PCDHGA7: variants seen among roughly 807,000 people sequenced by gnomAD.
PCDHGA7 encodes protocadherin gamma-A7.
Under a neutral mutation model 58.3 loss-of-function variants are expected in PCDHGA7, and 44 were observed. The observed-to-expected ratio is 0.75, with a 90% CI of 0.59 to 0.97. The LOEUF is 0.97. PCDHGA7 is among the 50% of genes least tolerant of loss of function. PCDHGA7 has a pLI of 0.00. For synonymous variants in PCDHGA7, 516 were observed against 504.2 expected (o/e 1.02, Z -0.31); for missense variants, 1,266 against 1,188.7 (o/e 1.06, Z -0.96).
chr5:141,423,970 A>C, intron 1 of PCDHGA7: 1 of 1,143,228 alleles, frequency 8.7e-7, no homozygotes, highest in Non-Finnish European at 1.1e-6. Flanking sequence ...TTCTATTATC[A>C]GTGTATGAGG....
intron 2 of PCDHGA7, 143 bp downstream of exon 2, chr5:141,495,008 G>A (rs2099758236): frequency 6.6e-7 from 1 of 1,521,900 alleles, no homozygotes; most frequent in Non-Finnish European, 8.8e-7. Context: ...TGGTGTGCGG[G>A]GGGCTGGCAC....
intron 1 of PCDHGA7, chr5:141,407,965 G>A (rs2095011875): frequency 4.4e-6 from 3 of 688,096 alleles, no homozygotes; most frequent in Non-Finnish European, 6.9e-6. Flanking sequence ...CAGAGCAAGC[G>A]CTGACGCCGG....
intron 1 of PCDHGA7, among the ~76,000 whole-genome samples, chr5:141,456,460 C>G (rs1444956833): frequency 6.6e-6 from 1 of 152,002 alleles, no homozygotes; most frequent in East Asian, 1.9e-4. Context: ...AATATCAATA[C>G]AAGACATATA....
rs1330463387 is a variant in PCDHGA7, at chr5:141,393,177, G to C, written c.2424+7854G>C. ...AGGAAAACTCTTTGGGGTAGAAATA[G>C]AAATAATTGATATTAACGATAATAA... On this transcript the variant is annotated intron_variant, in intron 1 of 3. Transcript: ENST00000518325. The C allele has an allele frequency of 1.2e-6, 2 of 1,613,174 alleles. No individual in the cohort carries two copies. Among genetic ancestry groups the C allele is most frequent in the Non-Finnish European group, 1.7e-6 (2 of 1,179,896 alleles).
intron 1 of PCDHGA7, chr5:141,404,463 A>C: frequency 6.2e-7 from 1 of 1,612,548 alleles, no homozygotes. Flanking sequence ...CTCTCCACCT[A>C]TGTCTCTATT....
At chr5:141,495,814 T>C (rs2099764028) in intron 2 of PCDHGA7, among the ~76,000 whole-genome samples, 1 of 152,134 alleles carries the variant, frequency 6.6e-6, no homozygotes, top group Non-Finnish European at 1.5e-5. Context: ...TCCTAGCGCC[T>C]TGTGTTCTTC....
At chr5:141,415,056 G>C in intron 1 of PCDHGA7, 2 of 1,613,416 alleles carry the variant, frequency 1.2e-6, no homozygotes, top group Non-Finnish European at 1.7e-6. Flanking sequence ...GGGAGCACAC[G>C]GGCGAGGTGC....
chr5:141,478,378 G>C, intron 1 of PCDHGA7: 1 of 1,613,558 alleles, frequency 6.2e-7, no homozygotes, highest in Non-Finnish European at 8.5e-7. Flanking sequence ...TGATGTCGCC[G>C]CACCTTTACC....
intron 1 of PCDHGA7, among the ~76,000 whole-genome samples, chr5:141,455,830 C>T (rs928219545): frequency 2.0e-5 from 3 of 151,170 alleles, no homozygotes; most frequent in African/African-American, 7.3e-5. Flanking sequence ...GACCCCTTTT[C>T]CTGTCTATCT....
Position 141,384,179 on chromosome 5 carries a change from G to C in PCDHGA7, c.1280G>C (p.Gly427Ala). The change falls in exon 1 of 4, where the codon GGT (glycine) becomes GCT (alanine). Residue 427 changes from glycine (G) to alanine (A), a missense_variant. Gly to Ala is a moderately conservative substitution (Grantham distance 60). Transcript: ENST00000518325. The stretch of plus-strand genomic sequence containing the variant: ...AACATCACACTGAAAGCCACAGATG[G>C]TGGAACTCCTCCCTTGTCCAGGGAA... ...LYNITLKATD[G>A]GTPPLSRETH... 7 of 1,613,830 alleles carry C rather than the reference G, an allele frequency of 4.3e-6. No homozygotes were observed. Among genetic ancestry groups the C allele is most frequent in the Non-Finnish European group, 5.9e-6 (7 of 1,179,862 alleles).
In PCDHGA7 at chr5:141,432,272, G is replaced by A. The variant is rs772255343; in HGVS notation, c.2424+46949G>A. On this transcript the variant is annotated intron_variant, in intron 1 of 3. Transcript: ENST00000518325. The surrounding 1 kb of genome is among the most constrained non-coding windows in gnomAD (Gnocchi z 6.0). ...CCAAGGGGCAAGCCTATCGTCCTAC[G>A]TGTCCATCAACTCCGACACTGGGGT... 1 of 1,614,210 alleles carries A rather than the reference G, an allele frequency of 6.2e-7. No individual in the cohort carries two copies. Among genetic ancestry groups the A allele is most frequent in the South Asian group, 1.1e-5 (1 of 91,086 alleles).
chr5:141,510,656 A>C (rs761093897), intron 3 of PCDHGA7, among the ~76,000 whole-genome samples: 4 of 152,304 alleles, frequency 2.6e-5, no homozygotes, highest in Non-Finnish European at 5.9e-5. Flanking sequence ...CCCATTTTGC[A>C]GATGAGAAAA....
In PCDHGA7 at chr5:141,420,182, C is replaced by G. The variant is rs375716662; in HGVS notation, c.2424+34859C>G. The G allele has an allele frequency of 3.7e-6, 6 of 1,613,694 alleles. No individual in the cohort carries two copies. In the African/African-American group the frequency reaches 8.0e-5, roughly 22 times the overall value. Reference sequence around the variant, plus strand: ...TTTTTTCACATCTGTTGATCATTGTCCAGCCACACAAGATAACCTCAACAA... The same window carrying G: ...TTTTTTCACATCTGTTGATCATTGTGCAGCCACACAAGATAACCTCAACAA... On this transcript the variant is annotated intron_variant, in intron 1 of 3. Transcript: ENST00000518325.
chr5:141,438,595 T>TAC (rs2098000070), intron 1 of PCDHGA7, among the ~76,000 whole-genome samples: 6 of 58,022 alleles, frequency 1.0e-4, no homozygotes, highest in African/African-American at 1.8e-4. Context: ...TACATACATA[T>TAC]ATATATATAT....
chr5:141,441,126 C>A (rs1319809408), intron 1 of PCDHGA7: 2 of 152,062 alleles, frequency 1.3e-5, no homozygotes, highest in Admixed American at 1.3e-4. Context: ...CAGTTGAGAC[C>A]GAATTTCTAG....
At chr5:141,430,980 T>C in intron 1 of PCDHGA7, 1 of 1,613,618 alleles carries the variant, frequency 6.2e-7, no homozygotes, top group African/African-American at 1.3e-5. Context: ...AGGACGCAGC[T>C]TTTCGCCCTG....
intron 1 of PCDHGA7, among the ~76,000 whole-genome samples, chr5:141,401,168 C>T (rs2094123018): frequency 1.3e-5 from 2 of 152,142 alleles, no homozygotes; most frequent in Non-Finnish European, 2.9e-5. Flanking sequence ...ATGGTGAAAA[C>T]CCGTCTCTAC....
intron 1 of PCDHGA7, chr5:141,413,132 A>C (rs1313665743): frequency 1.3e-6 from 2 of 1,542,144 alleles, no homozygotes; most frequent in Admixed American, 4.0e-5. Context: ...GAAACACACA[A>C]CGTGTCCAGT....
rs866710706 is a variant in PCDHGA7, at chr5:141,485,167, G to A, written c.2425-9640G>A. On this transcript the variant is annotated intron_variant, in intron 1 of 3. Transcript: ENST00000518325. The surrounding 1 kb of genome is among the most constrained non-coding windows in gnomAD (Gnocchi z 5.7). ...AGGAGCAAGTAGAGAATTAGCGGGC[G>A]GCAGCAATGCTCCGCAAGGTGAGAA... The A allele has an allele frequency of 6.2e-7, 1 of 1,608,386 alleles. No homozygotes were observed.
Sources: gnomAD v4.1 joint callset for allele counts (sites outside exome capture counted in the v4.1 genomes callset) on GRCh38, gnomAD v4.1.1 for gene constraint, Gnocchi (gnomAD v3.1) non-coding constraint, MANE v1.5 for transcripts, NCBI Gene and HGNC (gene_info 2026-07-23, HGNC 2026-07-21) for gene names.